Variants in TIPRL observed in about 807,000 individuals in gnomAD.
The protein encoded by TIPRL is TIP41-like protein.
A neutral mutation model predicts 32.3 loss-of-function variants in TIPRL; 10 were observed. That is an observed-to-expected ratio of 0.31 (90% CI 0.19 to 0.52). TIPRL has a LOEUF of 0.52. Among genes scored for constraint, TIPRL ranks in the 20% least tolerant of loss-of-function variants. TIPRL has a pLI of 0.96. For synonymous variants in TIPRL, 100 were observed against 114.0 expected, an observed-to-expected ratio of 0.88 and a Z score of 0.78; for missense variants, 250 against 328.1, an observed-to-expected ratio of 0.76 and a Z score of 1.84.
At chr1:168,183,746 A>G (rs1699994741) in intron 1 of TIPRL, among the ~76,000 whole-genome samples, 156 bp from the exon 2 acceptor site, 1 of 152,208 alleles carries the variant, frequency 6.6e-6, no homozygotes, top group Non-Finnish European at 1.5e-5. Context: ...ATGGATGATG[A>G]AAGCATTTTA....
chr1:168,195,086 G>T (rs1275562411), intron 4 of TIPRL, among the ~76,000 whole-genome samples: 4 of 152,178 alleles, frequency 2.6e-5, no homozygotes, highest in Non-Finnish European at 4.4e-5. Flanking sequence ...GTGTGTAATG[G>T]TCCCAAGGCA....
At chr1:168,194,109 C>T (rs925056719) in intron 4 of TIPRL, among the ~76,000 whole-genome samples, 7 of 151,196 alleles carry the variant, frequency 4.6e-5, no homozygotes, top group Non-Finnish European at 1.0e-4. Flanking sequence ...TAGTTGACTT[C>T]CTGGATAATT....
intron 3 of TIPRL, among the ~76,000 whole-genome samples, chr1:168,189,121 A>G (rs532865290): frequency 2.8e-4 from 42 of 152,352 alleles, no homozygotes; most frequent in Admixed American, 9.1e-4. Flanking sequence ...AGCAGAGCCC[A>G]GCTTCTTCTC....
intron 1 of TIPRL, among the ~76,000 whole-genome samples, chr1:168,183,517 A>G (rs1271047144): frequency 2.0e-5 from 3 of 151,838 alleles, no homozygotes; most frequent in Non-Finnish European, 2.9e-5. Context: ...ACGTTTTGAA[A>G]CTTTTAACAA....
At chr1:168,181,391 A>G (rs1699960880) in intron 1 of TIPRL, among the ~76,000 whole-genome samples, 1 of 151,014 alleles carries the variant, frequency 6.6e-6, no homozygotes, top group African/African-American at 2.4e-5. Flanking sequence ...TTGTATTTTT[A>G]GTAGAGATGG....
chr1:168,182,625 CA>C (rs987055976), intron 1 of TIPRL, among the ~76,000 whole-genome samples: 6 of 145,426 alleles, frequency 4.1e-5, no homozygotes, highest in East Asian at 2.0e-4. Flanking sequence ...GACTCCGTCT[CA>C]AAAAAAAAAG....
intron 5 of TIPRL, 141 bp downstream of exon 5, chr1:168,196,783 C>A: frequency 2.1e-6 from 1 of 476,038 alleles, no homozygotes; most frequent in Non-Finnish European, 3.5e-6. Flanking sequence ...GTTTCACATT[C>A]ACTGTTGACT....
intron 6 of TIPRL, 140 bp from the exon 7 acceptor site, chr1:168,199,763 C>T: frequency 4.4e-6 from 3 of 679,188 alleles, no homozygotes; most frequent in East Asian, 2.9e-5. Context: ...CAAGAAATAC[C>T]TATTATTTTT....
Position 168,191,393 on chromosome 1 carries a change from G to C in TIPRL, c.409G>C (p.Asp137His). The change falls in exon 4 of 7, where the codon GAT (aspartate) becomes CAT (histidine). Residue 137 changes from aspartate to histidine, a missense_variant. Physicochemically the swap from Asp to His is moderately conservative, Grantham distance 81 (BLOSUM62 -1). Coordinates refer to ENST00000367833, the MANE Select transcript of TIPRL (RefSeq NM_152902.5). ...LKVVPTTDHI[D>H]TEKLKAREQI... ...GGTTGTACCTACAACAGATCATATA[G>C]ATACAGAAAAATTGAAAGCCAGAGA... is the stretch of plus-strand genomic sequence containing the variant. The C allele has an allele frequency of 6.5e-7, 1 of 1,533,926 alleles. No individual in the cohort carries two copies. The highest frequency in any genetic ancestry group is 2.5e-5 in the East Asian group (1 of 39,920).
At chr1:168,181,596 T>C (rs1699964016) in intron 1 of TIPRL, among the ~76,000 whole-genome samples, 1 of 150,748 alleles carries the variant, frequency 6.6e-6, no homozygotes, top group African/African-American at 2.4e-5. Flanking sequence ...CAATTACTTT[T>C]GCACCAACAT....
intron 1 of TIPRL, among the ~76,000 whole-genome samples, chr1:168,182,280 T>A (rs1188424846): frequency 6.6e-6 from 1 of 152,114 alleles, no homozygotes; most frequent in Non-Finnish European, 1.5e-5. Context: ...TCTTCTCTCC[T>A]TGTAACTAGT....
At chr1:168,187,690 A>C (rs1700044455) in intron 3 of TIPRL, among the ~76,000 whole-genome samples, 4 of 152,194 alleles carry the variant, frequency 2.6e-5, no homozygotes, top group Admixed American at 2.6e-4. Context: ...AAAATTATGT[A>C]TGTAGGCTGG....
At chr1:168,196,682 G>C in intron 5 of TIPRL, 40 bp downstream of exon 5, 1 of 1,394,290 alleles carries the variant, frequency 7.2e-7, no homozygotes, top group South Asian at 1.3e-5. Flanking sequence ...ATTGATACTG[G>C]GCTTGTTTGT....
intron 4 of TIPRL, 113 bp from the exon 5 acceptor site, chr1:168,196,434 C>G: frequency 1.6e-6 from 1 of 606,754 alleles, no homozygotes; most frequent in Non-Finnish European, 2.6e-6. Context: ...ACTGTGAATT[C>G]AGCCTTATTC....
At chr1:168,192,656 T>C (rs1181894865) in intron 4 of TIPRL, among the ~76,000 whole-genome samples, 1 of 152,184 alleles carries the variant, frequency 6.6e-6, no homozygotes, top group African/African-American at 2.4e-5. Flanking sequence ...CCCAGCACTT[T>C]GGGAGGCCGA....
chr1:168,187,947 G>T (rs568593809), intron 3 of TIPRL, among the ~76,000 whole-genome samples: 2 of 152,270 alleles, frequency 1.3e-5, no homozygotes, highest in Admixed American at 6.5e-5. Flanking sequence ...ACTCCAGCCT[G>T]GGTGACAGAG....
At chr1:168,180,804 T>TC (rs1491347134) in intron 1 of TIPRL, among the ~76,000 whole-genome samples, 1 of 9,428 alleles carries the variant, frequency 1.1e-4, no homozygotes, top group East Asian at 3.3e-3. Flanking sequence ...ATCTTTCTTT[T>TC]CTTTTTTTTT....
At chr1:168,181,334 C>G (rs56138354) in intron 1 of TIPRL, among the ~76,000 whole-genome samples, 16,750 of 151,710 alleles carry the variant, frequency 0.11, 1,099 homozygotes, top group African/African-American at 0.18. Flanking sequence ...TGCCCAGCCT[C>G]CCAAGTAGCT....
chr1:168,194,303 T>A (rs530366186), intron 4 of TIPRL, among the ~76,000 whole-genome samples: 4 of 152,202 alleles, frequency 2.6e-5, no homozygotes, highest in Non-Finnish European at 5.9e-5. Context: ...TGGTCCTTAT[T>A]CACTAACTGT....
Sources: allele counts gnomAD v4.1 joint callset (sites outside exome capture counted in the v4.1 genomes callset), GRCh38; gene constraint gnomAD v4.1.1; transcripts MANE v1.5; gene names NCBI Gene and HGNC (gene_info 2026-07-23, HGNC 2026-07-21).